Variants in PARVB observed in about 807,000 individuals in gnomAD.
PARVB encodes parvin beta.
In PARVB, 46 loss-of-function variants were observed where a neutral mutation model predicts 47.0. The ratio of observed to expected loss-of-function variants is 0.98; its 90% CI spans 0.77 to 1.25. The LOEUF (loss-of-function observed/expected upper bound fraction) is 1.25. Among genes scored for constraint, PARVB ranks in the 50% most tolerant of loss-of-function variants. PARVB has a pLI of 0.00. For missense variants in PARVB, 473 were observed against 471.6 expected (o/e 1.00, Z -0.03); for synonymous variants, 196 against 196.3 (o/e 1.00, Z 0.01).
chr22:44,031,180 G>A (rs1249570201), intron 1 of PARVB, among the ~76,000 whole-genome samples: 2 of 152,324 alleles, frequency 1.3e-5, no homozygotes, highest in East Asian at 3.9e-4. Flanking sequence ...GGCACAGTGA[G>A]GTCACTGCGA....
chr22:44,001,724 C>T (rs2050414820), intron 2 of PARVB, among the ~76,000 whole-genome samples: 1 of 152,226 alleles, frequency 6.6e-6, no homozygotes, highest in Non-Finnish European at 1.5e-5. Context: ...GCAGCAAACA[C>T]TTGAAGCTCA....
chr22:44,135,196 G>T (rs551531716), intron 6 of PARVB, among the ~76,000 whole-genome samples: 9 of 152,268 alleles, frequency 5.9e-5, no homozygotes, highest in African/African-American at 2.2e-4. Context: ...TCCATCTGGA[G>T]CTCCTGTGAC....
chr22:44,086,735 C>T (rs567176843), intron 1 of PARVB: 31 of 985,238 alleles, frequency 3.1e-5, no homozygotes, highest in Non-Finnish European at 3.7e-5. Context: ...TTTAGAAAAA[C>T]TGCTCTGTTA....
At chr22:44,074,679 G>A (rs1380774812) in intron 1 of PARVB, among the ~76,000 whole-genome samples, 3 of 152,188 alleles carry the variant, frequency 2.0e-5, no homozygotes, top group African/African-American at 7.2e-5. Context: ...GGAGTGGGGT[G>A]GGGAACATTA....
intron 4 of PARVB, among the ~76,000 whole-genome samples, chr22:44,127,173 G>A (rs1475346133): frequency 6.6e-6 from 1 of 151,944 alleles, no homozygotes; most frequent in African/African-American, 2.4e-5. Context: ...GTTCCATCTT[G>A]TTTGAATAAT....
At chr22:44,050,871 C>T (rs963208163) in intron 1 of PARVB, among the ~76,000 whole-genome samples, 1 of 152,204 alleles carries the variant, frequency 6.6e-6, no homozygotes, top group African/African-American at 2.4e-5. Flanking sequence ...GAAGTCAGGG[C>T]ACACAGCCCG....
chr22:44,168,720 A>C lies in PARVB; in HGVS notation c.*42A>C, dbSNP rs775626083. On this transcript the variant is annotated 3_prime_UTR_variant, in exon 13 of 13. Transcript: ENST00000338758. ...GGTGGCAGGAGTGTCCCAGCAAGAA[A>C]GGCGGCATCCGTCTGTGCCCTGTGC... 7.2e-7 allele frequency: 1 copy of C among 1,384,058 alleles called. No individual in the cohort carries two copies. The highest frequency in any genetic ancestry group is 1.2e-5 in the South Asian group (1 of 86,492). The allele number at this position is 1,384,058 out of a possible 1,614,324, so 85.7% of individuals were successfully genotyped here.
intron 9 of PARVB, chr22:44,148,136 C>T (rs376716266): frequency 7.2e-5 from 42 of 580,444 alleles, no homozygotes; most frequent in Admixed American, 3.4e-4. Context: ...TGTCTTCCTG[C>T]CCGCCCGCTC....
chr22:44,047,347 A>T lies in PARVB; in HGVS notation c.112+22896A>T, dbSNP rs80173555. ...AGCTGCATTATTTTAAGCAAAACAC[A>T]TATTGGCTTAGGTCGCTGTATTCAT... is the stretch of plus-strand genomic sequence containing the variant. On this transcript the variant is annotated intron_variant, in intron 1 of 12. Transcript: ENST00000338758. 2.2e-3 allele frequency among the ~76,000 whole-genome samples: 334 copies of T among 152,260 alleles called. 1 individual carries two copies. The highest frequency in any genetic ancestry group is 7.6e-3 in the African/African-American group (315 of 41,552).
At position 44,158,609 on chromosome 22, in the gene PARVB, A is replaced by G. The variant is rs373261620; in HGVS notation, c.945+526A>G. On this transcript the variant is annotated intron_variant, in intron 11 of 12. Transcript: ENST00000338758. ...TTTCATTCCTGTGGATTGTTTTCTT[A>G]GGAAAATTTCTCAAATAGGGTCAAA... Among the ~76,000 whole-genome samples, 17 of 152,094 alleles carry G rather than the reference A, an allele frequency of 1.1e-4. 1 individual carries two copies. Among genetic ancestry groups the G allele is most frequent in the Admixed American group, 7.2e-4 (11 of 15,282 alleles).
At chr22:44,122,488 A>AGAG (rs2053069849) in intron 4 of PARVB, among the ~76,000 whole-genome samples, 3 of 76,672 alleles carry the variant, frequency 3.9e-5, no homozygotes, top group South Asian at 9.3e-4. Flanking sequence ...CCTGTCGATC[A>AGAG]AGAGAGAGAG....
chr22:44,126,882 G>C (rs989636990), intron 4 of PARVB, among the ~76,000 whole-genome samples: 2 of 152,128 alleles, frequency 1.3e-5, no homozygotes, highest in Non-Finnish European at 2.9e-5. Context: ...AGAATCTCAG[G>C]ACAGGCTCTG....
At chr22:44,026,673 C>T (rs1241698650) in intron 1 of PARVB, among the ~76,000 whole-genome samples, 2 of 152,226 alleles carry the variant, frequency 1.3e-5, no homozygotes, top group African/African-American at 2.4e-5. Flanking sequence ...GAGCTATGCT[C>T]GGTTGCCTAC....
chr22:44,127,089 A>G (rs1273381893), intron 4 of PARVB, among the ~76,000 whole-genome samples: 1 of 152,188 alleles, frequency 6.6e-6, no homozygotes, highest in East Asian at 1.9e-4. Flanking sequence ...CTGCTATATC[A>G]GTTGTGTTAT....
intron 11 of PARVB, among the ~76,000 whole-genome samples, chr22:44,159,074 A>C (rs568733127): frequency 6.6e-6 from 1 of 152,178 alleles, no homozygotes; most frequent in Non-Finnish European, 1.5e-5. Flanking sequence ...AGAGAGAGAG[A>C]GCGAGCGAGC....
intron 3 of PARVB, among the ~76,000 whole-genome samples, chr22:44,117,108 T>G (rs544759145): frequency 1.3e-5 from 2 of 152,170 alleles, no homozygotes; most frequent in East Asian, 3.9e-4. Context: ...CTGTTAGAGA[T>G]GCTCACGGAA....
At chr22:44,026,849 A>AAGGGGGGGGGG (rs2050739313) in intron 1 of PARVB, among the ~76,000 whole-genome samples, 1 of 146,716 alleles carries the variant, frequency 6.8e-6, no homozygotes, top group Non-Finnish European at 1.5e-5. Flanking sequence ...AGCTGGGGGA[A>AAGGGGGGGGGG]GGGGCGGGCT....
chr22:44,012,640 C>T (rs1401360331), intron 2 of PARVB, among the ~76,000 whole-genome samples: 2 of 152,132 alleles, frequency 1.3e-5, no homozygotes, highest in African/African-American at 4.8e-5. Context: ...GGCATTTTCT[C>T]CATCGCACAT....
rs573201877 is a variant in PARVB, at chr22:44,152,910, A to G, written c.843+1359A>G. 6.2e-4 allele frequency: 94 copies of G among 152,310 alleles called. 1 individual carries two copies. The highest frequency in any genetic ancestry group is 6.1e-3 in the Admixed American group (94 of 15,296). The allele number at this position is 152,310 out of a possible 1,614,324, so 9.4% of individuals were successfully genotyped here. A position where few individuals can be genotyped will look rare whatever the true frequency, so the allele number is the denominator to read the frequency against. On this transcript the variant is annotated intron_variant, in intron 10 of 12. Coordinates refer to ENST00000338758, the MANE Select transcript of PARVB (RefSeq NM_013327.5). ...ATTTGCTTTTCTAATTAAAAAACTA[A>G]TTCAGGTTCATTGTAGAAATGTCTG...
Sources: gnomAD v4.1 joint callset for allele counts (sites outside exome capture counted in the v4.1 genomes callset) on GRCh38, gnomAD v4.1.1 for gene constraint, MANE v1.5 for transcripts, NCBI Gene and HGNC (gene_info 2026-07-23, HGNC 2026-07-21) for gene names.